ADAMTSL1: variants seen among roughly 807,000 people sequenced by gnomAD.
The protein encoded by ADAMTSL1 is ADAMTS like 1.
In ADAMTSL1, 126 loss-of-function variants were observed where a neutral mutation model predicts 201.8. The observed-to-expected ratio is 0.62, with a 90% confidence interval of 0.54 to 0.72. The LOEUF is 0.72. Ranked by LOEUF, ADAMTSL1 falls within the 30% of genes least tolerant of loss-of-function variation. The probability of loss-of-function intolerance (pLI) is 0.00; values close to 1 mark genes in which losing one functional copy is unlikely to be tolerated. For synonymous variants in ADAMTSL1, 1,121 were observed against 903.4 expected, an observed-to-expected ratio of 1.24 and a Z score of -4.32; for missense variants, 2,679 against 2,277.8, an observed-to-expected ratio of 1.18 and a Z score of -3.59.
intron 24 of ADAMTSL1, among the ~76,000 whole-genome samples, 173 bp from the exon 25 acceptor site, chr9:18,889,395 C>T (rs1280059551): frequency 6.6e-6 from 1 of 152,196 alleles, no homozygotes; most frequent in East Asian, 1.9e-4. Flanking sequence ...GTGACTTCCC[C>T]AAATAGTTCG....
chr9:18,227,410 A>G (rs554429802), intron 2 of ADAMTSL1, among the ~76,000 whole-genome samples: 6 of 152,200 alleles, frequency 3.9e-5, no homozygotes, highest in Non-Finnish European at 2.9e-5. Context: ...GCTACAGTAG[A>G]GGTACATTCA....
chr9:18,122,828 C>A (rs1825561228), intron 1 of ADAMTSL1, among the ~76,000 whole-genome samples: 1 of 151,978 alleles, frequency 6.6e-6, no homozygotes, highest in Non-Finnish European at 1.5e-5. Flanking sequence ...GCCTCAACCT[C>A]CCCAGGCTCA....
intron 2 of ADAMTSL1, among the ~76,000 whole-genome samples, chr9:18,211,768 C>G (rs890303771): frequency 1.3e-5 from 2 of 152,178 alleles, no homozygotes; most frequent in African/African-American, 4.8e-5. Context: ...GTTTCCTTTA[C>G]AAAACTTTGC....
intron 1 of ADAMTSL1, among the ~76,000 whole-genome samples, chr9:18,476,969 G>A (rs950338065): frequency 3.9e-5 from 6 of 151,990 alleles, no homozygotes; most frequent in Admixed American, 2.0e-4. Context: ...TCTATTTTAC[G>A]TTACCACCCA....
rs575914183 is a variant in ADAMTSL1, at chr9:18,692,405, A to T, written c.1574+7605A>T. ...TTGCAAACCAAGAAGTTCTAAATTT[A>T]TCAGTCCCTCCCTCTGTCACCGCAG... On this transcript the variant is annotated intron_variant, in intron 13 of 28. Coordinates refer to ENST00000380548, the MANE Select transcript of ADAMTSL1 (RefSeq NM_001040272.6). 4.6e-5 allele frequency among the ~76,000 whole-genome samples: 7 copies of T among 152,222 alleles called. No homozygotes were observed. The South Asian group carries it at 1.5e-3, about 32-fold the overall frequency.
chr9:18,895,238 T>C (rs1829548461), intron 26 of ADAMTSL1, among the ~76,000 whole-genome samples: 2 of 152,054 alleles, frequency 1.3e-5, no homozygotes, highest in Non-Finnish European at 2.9e-5. Context: ...AAATGGCAAA[T>C]TAGGACACTC....
At chr9:18,776,017 C>T (rs896167376) in intron 18 of ADAMTSL1, 121 bp downstream of exon 18, 1 of 1,308,482 alleles carries the variant, frequency 7.6e-7, no homozygotes. Context: ...AGTAGAACCC[C>T]ATGGAGGGCT....
Position 18,224,470 on chromosome 9 carries a change from A to G in ADAMTSL1, c.207+60489A>G, listed in dbSNP as rs79262364. On this transcript the variant is annotated intron_variant, in intron 2 of 29. Coordinates refer to the ADAMTSL1 transcript ENST00000680146. ...CCAACACTATTGCACTGGAGATTACATTTCAATATGAATTTTGGTGGAGAC... is the reference window on the plus strand; with the variant it reads ...CCAACACTATTGCACTGGAGATTACGTTTCAATATGAATTTTGGTGGAGAC... Among the ~76,000 whole-genome samples the G allele has an allele frequency of 1.0e-3, 159 of 152,226 alleles. 2 individuals carry two copies. In the East Asian group the frequency reaches 0.028, roughly 27 times the overall value.
At chr9:18,684,951 T>G in intron 13 of ADAMTSL1, 151 bp downstream of exon 13, 5 of 1,397,508 alleles carry the variant, frequency 3.6e-6, no homozygotes, top group Non-Finnish European at 4.6e-6. Context: ...TTGATTAGTT[T>G]CAAAAAGTGT....
At chr9:18,555,857 A>G (rs1437774978) in intron 3 of ADAMTSL1, among the ~76,000 whole-genome samples, 4 of 152,008 alleles carry the variant, frequency 2.6e-5, no homozygotes, top group Non-Finnish European at 4.4e-5. Context: ...AATCTAGAAA[A>G]CAGGCAAAGC....
chr9:18,287,641 A>G (rs1191964897), intron 2 of ADAMTSL1, among the ~76,000 whole-genome samples: 1 of 124,898 alleles, frequency 8.0e-6, no homozygotes, highest in Admixed American at 9.1e-5. Context: ...GCATATATGT[A>G]TGTGTATACA....
intron 2 of ADAMTSL1, among the ~76,000 whole-genome samples, chr9:18,340,718 G>C (rs1034492191): frequency 1.6e-4 from 25 of 152,054 alleles, no homozygotes; most frequent in African/African-American, 6.0e-4. Context: ...TATATAAAGG[G>C]GAGTTCCCCT....
At chr9:18,102,870 G>C (rs139928223) in intron 1 of ADAMTSL1, among the ~76,000 whole-genome samples, 10 of 152,168 alleles carry the variant, frequency 6.6e-5, no homozygotes, top group Non-Finnish European at 1.0e-4. Flanking sequence ...AATAATCAGA[G>C]CTAGAAGATG....
At chr9:17,934,494 C>T (rs1207768080) in intron 1 of ADAMTSL1, among the ~76,000 whole-genome samples, 1 of 152,144 alleles carries the variant, frequency 6.6e-6, no homozygotes, top group Non-Finnish European at 1.5e-5. Flanking sequence ...TTAATTCTAC[C>T]TGTGCAGATA....
intron 1 of ADAMTSL1, among the ~76,000 whole-genome samples, chr9:18,130,083 A>C (rs796715972): frequency 5.3e-5 from 8 of 152,232 alleles, no homozygotes; most frequent in African/African-American, 1.9e-4. Flanking sequence ...GAGAGAAAAG[A>C]ATGTGAAGCC....
chr9:18,198,246 A>G (rs1426242405), intron 2 of ADAMTSL1, among the ~76,000 whole-genome samples: 2 of 151,478 alleles, frequency 1.3e-5, no homozygotes, highest in Non-Finnish European at 2.9e-5. Context: ...ACAAAAGCCA[A>G]AATTGACAAA....
chr9:18,286,188 G>A (rs534216406), intron 2 of ADAMTSL1, among the ~76,000 whole-genome samples: 3 of 152,260 alleles, frequency 2.0e-5, no homozygotes, highest in Admixed American at 1.3e-4. Context: ...TTCCATCTAT[G>A]TGTGAAATTT....
intron 2 of ADAMTSL1, among the ~76,000 whole-genome samples, chr9:18,167,412 T>C (rs1827682128): frequency 6.6e-6 from 1 of 151,930 alleles, no homozygotes; most frequent in South Asian, 2.1e-4. Flanking sequence ...GAGGTGTCTT[T>C]TGTGAAATGG....
At chr9:17,932,087 A>T (rs1024094266) in intron 1 of ADAMTSL1, among the ~76,000 whole-genome samples, 3 of 152,152 alleles carry the variant, frequency 2.0e-5, no homozygotes, top group African/African-American at 2.4e-5. Context: ...ATTTCCTGCC[A>T]GATTTTGTTG....
Sources: gnomAD v4.1 joint callset for allele counts (sites outside exome capture counted in the v4.1 genomes callset) on GRCh38, gnomAD v4.1.1 for gene constraint, MANE v1.5 for transcripts, NCBI Gene and HGNC (gene_info 2026-07-23, HGNC 2026-07-21) for gene names.